The following TEAD1 variants were observed in gnomAD, a reference collection of about 807,000 sequenced individuals.
The protein encoded by TEAD1 is transcriptional enhancer factor TEF-1.
Under a neutral mutation model 54.9 loss-of-function variants are expected in TEAD1, and 9 were observed. The ratio of observed to expected loss-of-function variants is 0.16; its 90% CI spans 0.10 to 0.29. The LOEUF (loss-of-function observed/expected upper bound fraction) is 0.29, where lower values mean the gene tolerates loss of function less well. Among genes scored for constraint, TEAD1 ranks in the 10% least tolerant of loss-of-function variants. The pLI is 1.00. For synonymous variants in TEAD1, 200 were observed against 187.8 expected (o/e 1.07, Z -0.53); for missense variants, 387 against 535.9 (o/e 0.72, Z 2.74).
chr11:12,806,663 A>C (rs938941482), intron 3 of TEAD1, among the ~76,000 whole-genome samples: 1 of 152,238 alleles, frequency 6.6e-6, no homozygotes, highest in Non-Finnish European at 1.5e-5. Context: ...ACTGCCTTTC[A>C]TACTTCAGAG....
chr11:12,920,026 T>C (rs993651833), intron 10 of TEAD1, among the ~76,000 whole-genome samples: 1 of 152,230 alleles, frequency 6.6e-6, no homozygotes, highest in Non-Finnish European at 1.5e-5. Context: ...AGTAGAATGA[T>C]TATGAAGATG....
chr11:12,809,929 G>A (rs1222622093), intron 3 of TEAD1, among the ~76,000 whole-genome samples: 1 of 151,606 alleles, frequency 6.6e-6, no homozygotes. Context: ...TGGGGAGTGG[G>A]TGAGGAGGTG....
chr11:12,836,836 G>A (rs1590198294), intron 3 of TEAD1, among the ~76,000 whole-genome samples: 1 of 152,132 alleles, frequency 6.6e-6, no homozygotes, highest in African/African-American at 2.4e-5. Context: ...GTAAAAGTCG[G>A]AGAGTAATGG....
intron 3 of TEAD1, among the ~76,000 whole-genome samples, chr11:12,832,712 A>G (rs1946807187): frequency 6.6e-6 from 1 of 152,264 alleles, no homozygotes; most frequent in South Asian, 2.1e-4. Context: ...TGCCAAGGGC[A>G]TGATGCAGAA....
chr11:12,709,792 G>T (rs936618037), intron 2 of TEAD1, among the ~76,000 whole-genome samples: 2 of 152,160 alleles, frequency 1.3e-5, no homozygotes, highest in African/African-American at 2.4e-5. Context: ...GTTTCACACA[G>T]TGCTGGGATT....
chr11:12,792,986 G>A (rs1945835988), intron 3 of TEAD1, among the ~76,000 whole-genome samples: 1 of 151,848 alleles, frequency 6.6e-6, no homozygotes, highest in Non-Finnish European at 1.5e-5. Flanking sequence ...CAGGAGTTTG[G>A]GGCTGTAGTA....
intron 11 of TEAD1, among the ~76,000 whole-genome samples, chr11:12,927,311 C>G (rs567770015): frequency 2.6e-5 from 4 of 152,268 alleles, no homozygotes; most frequent in Non-Finnish European, 5.9e-5. Context: ...TGAAATGATT[C>G]ATTCTTTCCC....
chr11:12,732,024 C>G (rs1241788091), intron 2 of TEAD1, among the ~76,000 whole-genome samples: 4 of 152,166 alleles, frequency 2.6e-5, no homozygotes, highest in Non-Finnish European at 5.9e-5. Flanking sequence ...AGCTTGTGGG[C>G]AACCCAATCC....
At chr11:12,711,542 A>G (rs1262883850) in intron 2 of TEAD1, among the ~76,000 whole-genome samples, 1 of 152,166 alleles carries the variant, frequency 6.6e-6, no homozygotes, top group East Asian at 1.9e-4. Context: ...GAAGGCCTGA[A>G]GACAAGGCCA....
intron 9 of TEAD1, among the ~76,000 whole-genome samples, chr11:12,885,562 T>A (rs1204672933): frequency 6.6e-6 from 1 of 152,100 alleles, no homozygotes; most frequent in African/African-American, 2.4e-5. Context: ...AGTCTGAATA[T>A]CTCCTGTGTA....
At chr11:12,733,461 G>T (rs934908038) in intron 2 of TEAD1, among the ~76,000 whole-genome samples, 3 of 152,124 alleles carry the variant, frequency 2.0e-5, no homozygotes, top group Non-Finnish European at 4.4e-5. Flanking sequence ...TTTCTTTGTG[G>T]CCCAGGTCTA....
At chr11:12,789,065 G>A (rs538105729) in intron 3 of TEAD1, among the ~76,000 whole-genome samples, 1 of 152,290 alleles carries the variant, frequency 6.6e-6, no homozygotes, top group South Asian at 2.1e-4. Flanking sequence ...CTGTCTTAAT[G>A]TAATTGAGAC....
intron 3 of TEAD1, among the ~76,000 whole-genome samples, chr11:12,801,229 A>G (rs983143243): frequency 1.3e-5 from 2 of 152,146 alleles, no homozygotes; most frequent in South Asian, 4.1e-4. Flanking sequence ...CAATTCTGCA[A>G]TTTTCACCGC....
At chr11:12,728,401 G>A (rs1480542913) in intron 2 of TEAD1, among the ~76,000 whole-genome samples, 2 of 152,172 alleles carry the variant, frequency 1.3e-5, no homozygotes, top group African/African-American at 2.4e-5. Flanking sequence ...TACTTCAAAG[G>A]TGTAGCACAC....
chr11:12,684,503 T>C (rs528573791), intron 2 of TEAD1, among the ~76,000 whole-genome samples: 25 of 152,324 alleles, frequency 1.6e-4, no homozygotes, highest in African/African-American at 6.0e-4. Context: ...TAATCCCCCC[T>C]GGGGTGCAGA....
intron 3 of TEAD1, among the ~76,000 whole-genome samples, chr11:12,789,821 G>T (rs1411128559): frequency 2.6e-5 from 4 of 152,226 alleles, no homozygotes; most frequent in African/African-American, 9.6e-5. Flanking sequence ...TCCGAGTTGG[G>T]CCTGCCTGAG....
At chr11:12,929,379 TTTTATC>T (rs1948971709) in intron 11 of TEAD1, among the ~76,000 whole-genome samples, 1 of 152,004 alleles carries the variant, frequency 6.6e-6, no homozygotes, top group African/African-American at 2.4e-5. Context: ...TGATTTGAGC[TTTTATC>T]TTTATTAATT....
At chr11:12,784,128 A>G (rs1325963302) in intron 3 of TEAD1, among the ~76,000 whole-genome samples, 1 of 152,168 alleles carries the variant, frequency 6.6e-6, no homozygotes, top group Non-Finnish European at 1.5e-5. Flanking sequence ...TTACATCAGT[A>G]TATTAGAGAT....
intron 3 of TEAD1, among the ~76,000 whole-genome samples, chr11:12,814,639 T>G (rs976284174): frequency 1.3e-5 from 2 of 152,150 alleles, no homozygotes; most frequent in African/African-American, 4.8e-5. Flanking sequence ...TGAGAGTCTT[T>G]GCGCATGTCA....
Sources: allele counts gnomAD v4.1 joint callset (sites outside exome capture counted in the v4.1 genomes callset), GRCh38; gene constraint gnomAD v4.1.1; transcripts MANE v1.5; gene names NCBI Gene and HGNC (gene_info 2026-07-23, HGNC 2026-07-21).